The following GRIN3A variants were observed in gnomAD, a reference collection of about 807,000 sequenced individuals.
GRIN3A encodes glutamate ionotropic receptor NMDA type subunit 3A.
GRIN3A carries 47 observed loss-of-function variants against 92.4 expected under a neutral mutation model. That is an observed-to-expected ratio of 0.51 (90% CI 0.40 to 0.65). The LOEUF is 0.65. Among genes scored for constraint, GRIN3A ranks in the 30% least tolerant of loss-of-function variants. The pLI is 0.00. For missense variants in GRIN3A, 1,324 were observed against 1,393.1 expected, an observed-to-expected ratio of 0.95 and a Z score of 0.79; for synonymous variants, 527 against 540.6, an observed-to-expected ratio of 0.97 and a Z score of 0.35.
At chr9:101,606,125 A>AC (rs1197684691) in intron 6 of GRIN3A, among the ~76,000 whole-genome samples, 5 of 152,010 alleles carry the variant, frequency 3.3e-5, no homozygotes, top group Admixed American at 1.3e-4. Flanking sequence ...CGCAGGCTGG[A>AC]CCCCTGTCTG....
At chr9:101,577,570 T>C (rs2118782157) in intron 8 of GRIN3A, among the ~76,000 whole-genome samples, 198 bp downstream of exon 8, 1 of 152,346 alleles carries the variant, frequency 6.6e-6, no homozygotes, top group East Asian at 1.9e-4. Flanking sequence ...AGTCCATGAC[T>C]ACACTTCTAA....
At chr9:101,689,743 TAC>T (rs33984810) in intron 1 of GRIN3A, among the ~76,000 whole-genome samples, 28,216 of 143,414 alleles carry the variant, frequency 0.2, 2,886 homozygotes, top group Non-Finnish European at 0.24. Flanking sequence ...CACACACACA[TAC>T]ACACACACAC....
At chr9:101,629,456 G>A (rs1159433751) in intron 3 of GRIN3A, among the ~76,000 whole-genome samples, 1 of 152,164 alleles carries the variant, frequency 6.6e-6, no homozygotes, top group Non-Finnish European at 1.5e-5. Context: ...GGCCTACTCT[G>A]TAGAGTTCTC....
intron 1 of GRIN3A, among the ~76,000 whole-genome samples, chr9:101,708,196 AT>A (rs1295645303): frequency 6.6e-6 from 1 of 152,190 alleles, no homozygotes. Context: ...ATGAACGCTA[AT>A]AGTAGTCAAT....
At chr9:101,638,839 T>G (rs962925249) in intron 3 of GRIN3A, among the ~76,000 whole-genome samples, 4 of 152,226 alleles carry the variant, frequency 2.6e-5, no homozygotes, top group African/African-American at 9.6e-5. Flanking sequence ...TTGCTTGGCG[T>G]TAGACTCAGT....
intron 5 of GRIN3A, among the ~76,000 whole-genome samples, chr9:101,619,513 T>C (rs549102592): frequency 6.6e-6 from 1 of 152,200 alleles, no homozygotes; most frequent in African/African-American, 2.4e-5. Context: ...ATGCTTTATA[T>C]GTATTACTTA....
chr9:101,608,957 G>T (rs1273322392), intron 6 of GRIN3A, among the ~76,000 whole-genome samples: 1 of 152,184 alleles, frequency 6.6e-6, no homozygotes, highest in Non-Finnish European at 1.5e-5. Flanking sequence ...GTGGTAGGTG[G>T]GATGAGAGAA....
intron 3 of GRIN3A, among the ~76,000 whole-genome samples, chr9:101,632,852 T>C (rs951628138): frequency 6.6e-6 from 1 of 152,162 alleles, no homozygotes; most frequent in Non-Finnish European, 1.5e-5. Flanking sequence ...AGCTTAAGCA[T>C]TTGAGCTGCA....
intron 2 of GRIN3A, among the ~76,000 whole-genome samples, chr9:101,676,060 G>C (rs866505713): frequency 3.3e-4 from 50 of 151,878 alleles, no homozygotes; most frequent in African/African-American, 1.2e-3. Flanking sequence ...TGTTTATTAT[G>C]AATTTGTATT....
At chr9:101,687,868 T>A (rs1047712300) in intron 1 of GRIN3A, among the ~76,000 whole-genome samples, 1 of 152,232 alleles carries the variant, frequency 6.6e-6, no homozygotes, top group Non-Finnish European at 1.5e-5. Context: ...AACACACTTA[T>A]GTAACTTGTA....
In GRIN3A at chr9:101,687,133, A is replaced by G. The variant is rs1829549515; in HGVS notation, c.767T>C (p.Ile256Thr). The change falls in exon 2 of 9, where the codon ATC becomes ACC. Residue 256 changes from isoleucine (I) to threonine (T), a missense_variant. Transcript: ENST00000361820. ...LSSDADVTVS[I>T]LTMNNWYNFS... is the part of the protein sequence containing the mutation. ...ATTGTACCAGTTGTTCATGGTCAGGATTGAGACAGTGACATCAGCATCAGA... is the reference window on the plus strand; with the variant it reads ...ATTGTACCAGTTGTTCATGGTCAGGGTTGAGACAGTGACATCAGCATCAGA... The G allele has an allele frequency of 6.2e-7, 1 of 1,614,098 alleles. No individual in the cohort carries two copies. The highest frequency in any genetic ancestry group is 8.5e-7 in the Non-Finnish European group (1 of 1,179,930).
chr9:101,594,543 A>G lies in GRIN3A; in HGVS notation c.2767-15183T>C, dbSNP rs989671822. On this transcript the variant is annotated intron_variant, in intron 6 of 8. Coordinates refer to ENST00000361820, the MANE Select transcript of GRIN3A (RefSeq NM_133445.3). ...TTGTCGACCAGCTGCTGGAGCTGCC[A>G]GTCCGTCAGGTTGTTGCCCACCATC... The G allele has an allele frequency of 5.6e-6, 9 of 1,614,054 alleles. No homozygotes were observed. The African/African-American group carries it at 8.0e-5, about 14-fold the overall frequency.
chr9:101,662,686 T>C (rs983153441), intron 3 of GRIN3A, among the ~76,000 whole-genome samples: 2 of 151,842 alleles, frequency 1.3e-5, no homozygotes, highest in Non-Finnish European at 2.9e-5. Context: ...TGAAGTTGCC[T>C]CAAACCTATA....
intron 3 of GRIN3A, among the ~76,000 whole-genome samples, chr9:101,651,096 G>T (rs188690356): frequency 3.8e-4 from 58 of 151,750 alleles, no homozygotes; most frequent in African/African-American, 1.3e-3. Flanking sequence ...AATATATTTG[G>T]AATTATATTA....
At chr9:101,616,530 G>A (rs1828455871) in intron 5 of GRIN3A, among the ~76,000 whole-genome samples, 1 of 151,646 alleles carries the variant, frequency 6.6e-6, no homozygotes, top group Admixed American at 6.6e-5. Flanking sequence ...AACAAATAAT[G>A]TTATTAGAAA....
intron 3 of GRIN3A, among the ~76,000 whole-genome samples, chr9:101,642,600 C>G (rs1828881136): frequency 6.6e-6 from 1 of 152,166 alleles, no homozygotes; most frequent in African/African-American, 2.4e-5. Flanking sequence ...CCTCAGCCAG[C>G]AGGCCAACTG....
intron 5 of GRIN3A, among the ~76,000 whole-genome samples, chr9:101,620,119 C>T (rs1265831413): frequency 6.6e-6 from 1 of 152,134 alleles, no homozygotes; most frequent in Non-Finnish European, 1.5e-5. Context: ...TTAGTCTGCT[C>T]AGGCTTCTAT....
At chr9:101,598,524 A>C (rs1051634779) in intron 6 of GRIN3A, among the ~76,000 whole-genome samples, 1 of 152,222 alleles carries the variant, frequency 6.6e-6, no homozygotes. Flanking sequence ...AAGACCTTGG[A>C]CAAGTTGCTT....
intron 3 of GRIN3A, among the ~76,000 whole-genome samples, chr9:101,639,143 T>G (rs1028573116): frequency 1.3e-5 from 2 of 152,210 alleles, no homozygotes; most frequent in Admixed American, 1.3e-4. Context: ...TCAGTTGTTA[T>G]GCATACTTAC....
Sources: allele counts gnomAD v4.1 joint callset (sites outside exome capture counted in the v4.1 genomes callset), GRCh38; gene constraint gnomAD v4.1.1; transcripts MANE v1.5; gene names NCBI Gene and HGNC (gene_info 2026-07-23, HGNC 2026-07-21).